Variants in EXT1 observed in about 807,000 individuals in gnomAD.
EXT1 encodes the protein exostosin glycosyltransferase 1.
EXT1 carries 20 observed loss-of-function variants against 82.5 expected under a neutral mutation model. The observed-to-expected ratio is 0.24, with a 90% CI of 0.17 to 0.35. The LOEUF (loss-of-function observed/expected upper bound fraction) is 0.35. Ranked by LOEUF, EXT1 falls within the 10% of genes least tolerant of loss-of-function variation. The pLI, the probability that EXT1 is intolerant of heterozygous loss-of-function variation, is 1.00. For synonymous variants in EXT1, 348 were observed against 350.8 expected, an observed-to-expected ratio of 0.99 and a Z score of 0.09; for missense variants, 757 against 936.5, an observed-to-expected ratio of 0.81 and a Z score of 2.50.
At chr8:117,987,622 G>A (rs528560326) in intron 1 of EXT1, among the ~76,000 whole-genome samples, 9 of 152,228 alleles carry the variant, frequency 5.9e-5, no homozygotes, top group Non-Finnish European at 2.9e-5. Context: ...AGGCTCTGAT[G>A]TACGTTAAAG....
At chr8:118,033,605 A>G (rs1816371384) in intron 1 of EXT1, among the ~76,000 whole-genome samples, 1 of 152,038 alleles carries the variant, frequency 6.6e-6, no homozygotes, top group Non-Finnish European at 1.5e-5. Flanking sequence ...CAGCCTCTCA[A>G]TTAGCTGGAA....
intron 1 of EXT1, among the ~76,000 whole-genome samples, chr8:118,052,651 T>C (rs757095802): frequency 2.6e-5 from 4 of 152,172 alleles, no homozygotes; most frequent in Non-Finnish European, 5.9e-5. Context: ...AATAGCCACC[T>C]CTCCAAAAGA....
At chr8:117,899,785 T>C (rs1813407871) in intron 1 of EXT1, among the ~76,000 whole-genome samples, 1 of 152,206 alleles carries the variant, frequency 6.6e-6, no homozygotes, top group Non-Finnish European at 1.5e-5. Context: ...GATGCTACCT[T>C]TCAGGGCTGG....
chr8:117,935,143 A>C (rs1814134870), intron 1 of EXT1, among the ~76,000 whole-genome samples: 1 of 152,100 alleles, frequency 6.6e-6, no homozygotes, highest in Non-Finnish European at 1.5e-5. Flanking sequence ...TTAAGTGATA[A>C]CGGAGGTTAA....
At chr8:117,929,609 A>T (rs1456662474) in intron 1 of EXT1, among the ~76,000 whole-genome samples, 1 of 152,242 alleles carries the variant, frequency 6.6e-6, no homozygotes, top group African/African-American at 2.4e-5. Context: ...CTAGTAAGTC[A>T]TCATGACAGA....
At chr8:117,858,450 T>C (rs1295754455) in intron 1 of EXT1, among the ~76,000 whole-genome samples, 1 of 151,960 alleles carries the variant, frequency 6.6e-6, no homozygotes, top group African/African-American at 2.4e-5. Context: ...GGCAGGCAGA[T>C]CATTTGAGGT....
intron 1 of EXT1, among the ~76,000 whole-genome samples, chr8:117,922,946 C>T (rs1813884249): frequency 6.6e-6 from 1 of 152,176 alleles, no homozygotes; most frequent in South Asian, 2.1e-4. Context: ...GGATCCTGAG[C>T]AATTGTCCAT....
At chr8:118,074,995 TC>T (rs1817181296) in intron 1 of EXT1, among the ~76,000 whole-genome samples, 1 of 152,162 alleles carries the variant, frequency 6.6e-6, no homozygotes, top group African/African-American at 2.4e-5. Context: ...CTCATTCATT[TC>T]CCATCACTAC....
At chr8:117,951,788 C>G (rs1418511987) in intron 1 of EXT1, among the ~76,000 whole-genome samples, 1 of 152,068 alleles carries the variant, frequency 6.6e-6, no homozygotes, top group Non-Finnish European at 1.5e-5. Context: ...TTGGTACAGC[C>G]TGCAAGCTAA....
intron 1 of EXT1, among the ~76,000 whole-genome samples, chr8:118,001,432 G>C (rs1016768988): frequency 2.0e-5 from 3 of 151,984 alleles, no homozygotes; most frequent in African/African-American, 7.2e-5. Context: ...TGATCTGCCT[G>C]CCTCAGCTTC....
intron 1 of EXT1, among the ~76,000 whole-genome samples, chr8:117,921,574 G>T (rs751768561): frequency 6.6e-6 from 1 of 152,200 alleles, no homozygotes; most frequent in Non-Finnish European, 1.5e-5. Flanking sequence ...AATGAAGGGG[G>T]CAGAGGGAAA....
chr8:117,803,940 T>C (rs1823202594), intron 10 of EXT1, among the ~76,000 whole-genome samples: 1 of 152,142 alleles, frequency 6.6e-6, no homozygotes, highest in Non-Finnish European at 1.5e-5. Flanking sequence ...GAACTGAAAA[T>C]TAAATATTGT....
intron 1 of EXT1, among the ~76,000 whole-genome samples, chr8:117,923,401 T>C (rs1813893041): frequency 6.6e-6 from 1 of 151,400 alleles, no homozygotes; most frequent in Non-Finnish European, 1.5e-5. Context: ...AAAAGGGCTT[T>C]GAATTCTCAG....
intron 1 of EXT1, among the ~76,000 whole-genome samples, chr8:118,093,506 T>A (rs572831212): frequency 6.6e-6 from 1 of 152,268 alleles, no homozygotes; most frequent in African/African-American, 2.4e-5. Context: ...CTGTAATGTA[T>A]AAGAAGAATT....
At chr8:118,086,578 C>A (rs1586265238) in intron 1 of EXT1, among the ~76,000 whole-genome samples, 1 of 152,074 alleles carries the variant, frequency 6.6e-6, no homozygotes, top group Admixed American at 6.5e-5. Flanking sequence ...TTCAGCTTCC[C>A]TTTGGATGAG....
At chr8:118,028,402 T>A (rs1198540331) in intron 1 of EXT1, among the ~76,000 whole-genome samples, 1 of 152,252 alleles carries the variant, frequency 6.6e-6, no homozygotes, top group African/African-American at 2.4e-5. Context: ...ACATGTTCCA[T>A]TCACCAGATG....
intron 3 of EXT1, among the ~76,000 whole-genome samples, chr8:117,832,807 T>C (rs1200944624): frequency 6.6e-6 from 1 of 152,192 alleles, no homozygotes; most frequent in Non-Finnish European, 1.5e-5. Context: ...CAAGTTTTAA[T>C]GGCACTTGGC....
chr8:117,818,735 A>T (rs1811870984), intron 6 of EXT1, among the ~76,000 whole-genome samples: 1 of 152,152 alleles, frequency 6.6e-6, no homozygotes, highest in South Asian at 2.1e-4. Flanking sequence ...TGGAGAGAGG[A>T]CAGAAAGAGC....
chr8:117,861,925 A>G lies in EXT1; in HGVS notation c.963-24724T>C, dbSNP rs568607766. Reference sequence around the variant, plus strand: ...TGCAAATCTGGTGAACATAATGCACACAGGGGACAAACCAAACGGTGAAAA... The same window carrying G: ...TGCAAATCTGGTGAACATAATGCACGCAGGGGACAAACCAAACGGTGAAAA... On this transcript the variant is annotated intron_variant, in intron 1 of 10. Transcript: ENST00000378204. 1.9e-4 allele frequency among the ~76,000 whole-genome samples: 28 copies of G among 145,814 alleles called. 1 individual carries two copies. Among genetic ancestry groups the G allele is most frequent in the African/African-American group, 6.6e-4 (27 of 41,196 alleles).
Sources: gnomAD v4.1 joint callset for allele counts (sites outside exome capture counted in the v4.1 genomes callset) on GRCh38, gnomAD v4.1.1 for gene constraint, MANE v1.5 for transcripts, NCBI Gene and HGNC (gene_info 2026-07-23, HGNC 2026-07-21) for gene names.